Variants in MYRIP observed in about 807,000 individuals in gnomAD.
MYRIP encodes the protein myosin VIIA and Rab interacting protein.
A neutral mutation model predicts 98.0 loss-of-function variants in MYRIP; 49 were observed. That is an observed-to-expected ratio of 0.50 (90% CI 0.40 to 0.63). The LOEUF (loss-of-function observed/expected upper bound fraction) is 0.63. Among genes scored for constraint, MYRIP ranks in the 30% least tolerant of loss-of-function variants. The pLI, the probability that MYRIP is intolerant of heterozygous loss-of-function variation, is 0.00. For missense variants in MYRIP, 1,004 were observed against 1,058.2 expected (o/e 0.95, Z 0.71); for synonymous variants, 404 against 409.5 (o/e 0.99, Z 0.16).
At chr3:39,973,963 G>T (rs1432472298) in intron 2 of MYRIP, among the ~76,000 whole-genome samples, 2 of 151,770 alleles carry the variant, frequency 1.3e-5, no homozygotes, top group Non-Finnish European at 2.9e-5. Flanking sequence ...GATCTAAAAT[G>T]GACACCCTAA....
intron 2 of MYRIP, among the ~76,000 whole-genome samples, chr3:39,981,278 C>T (rs572116217): frequency 2.0e-4 from 30 of 152,240 alleles, no homozygotes; most frequent in Admixed American, 3.3e-4. Flanking sequence ...AAAACATTGC[C>T]AAATATAGTG....
chr3:40,029,150 T>C (rs377141956), intron 2 of MYRIP, among the ~76,000 whole-genome samples: 3 of 152,290 alleles, frequency 2.0e-5, no homozygotes, highest in African/African-American at 7.2e-5. Context: ...TTTGAGGCTG[T>C]TGTTATACTG....
chr3:40,154,670 C>A (rs976779975), intron 4 of MYRIP, among the ~76,000 whole-genome samples: 1 of 152,130 alleles, frequency 6.6e-6, no homozygotes, highest in African/African-American at 2.4e-5. Flanking sequence ...ATAAGCCCCA[C>A]ATGTATTAGC....
At chr3:39,960,022 G>A (rs545683463) in intron 2 of MYRIP, among the ~76,000 whole-genome samples, 1 of 152,176 alleles carries the variant, frequency 6.6e-6, no homozygotes, top group South Asian at 2.1e-4. Flanking sequence ...TCAGCTTCCT[G>A]AGCTCTCAGG....
chr3:40,181,268 C>A (rs1950877165), intron 8 of MYRIP, among the ~76,000 whole-genome samples: 1 of 152,130 alleles, frequency 6.6e-6, no homozygotes, highest in African/African-American at 2.4e-5. Context: ...CTCCAAAGCA[C>A]CCCATGGCCC....
chr3:40,081,141 C>T (rs1462699636), intron 3 of MYRIP, among the ~76,000 whole-genome samples: 1 of 152,060 alleles, frequency 6.6e-6, no homozygotes, highest in Non-Finnish European at 1.5e-5. Context: ...TGTATTTAGA[C>T]TTACCTGCCC....
intron 11 of MYRIP, among the ~76,000 whole-genome samples, chr3:40,212,338 T>G (rs1353145642): frequency 2.0e-5 from 3 of 149,066 alleles, no homozygotes; most frequent in African/African-American, 7.3e-5. Context: ...CACATATATA[T>G]ATAACTATAT....
intron 1 of MYRIP, among the ~76,000 whole-genome samples, chr3:39,843,367 C>T (rs546286871): frequency 3.9e-4 from 59 of 151,512 alleles, no homozygotes; most frequent in Non-Finnish European, 8.1e-4. Context: ...ATTGAGGCTT[C>T]GAAAAAAGAC....
chr3:40,166,710 C>T (rs1166032431), intron 5 of MYRIP, 136 bp from the exon 6 acceptor site: 6 of 622,768 alleles, frequency 9.6e-6, no homozygotes, highest in Admixed American at 5.3e-5. Flanking sequence ...GTGGGAAGGG[C>T]GAGGGCTTTG....
In MYRIP at chr3:39,809,681, C is replaced by T. The variant is rs1490594036; in HGVS notation, c.-266C>T. 2.0e-5 allele frequency: 3 copies of T among 152,054 alleles called. No homozygotes were observed. Among genetic ancestry groups the T allele is most frequent in the Non-Finnish European group, 4.4e-5 (3 of 67,978 alleles). The allele number at this position is 152,054 out of a possible 1,614,324, so 9.4% of individuals were successfully genotyped here. A position where few individuals can be genotyped will look rare whatever the true frequency, so the allele number is the denominator to read the frequency against. ...TGCTGCCGACGCCGCTGCGCTCCCG[C>T]CTCCTGTCGGTTCCCGGGTTCCCGC... is the stretch of plus-strand genomic sequence containing the variant. On this transcript the variant is annotated 5_prime_UTR_variant, in exon 1 of 17. Transcript: ENST00000302541.
chr3:40,068,740 T>C (rs1333591326), intron 3 of MYRIP, among the ~76,000 whole-genome samples: 1 of 152,222 alleles, frequency 6.6e-6, no homozygotes, highest in Non-Finnish European at 1.5e-5. Context: ...AAAAGGTACA[T>C]CATCCCTGGC....
intron 2 of MYRIP, among the ~76,000 whole-genome samples, chr3:40,042,912 G>A (rs913273776): frequency 1.2e-4 from 19 of 152,104 alleles, no homozygotes; most frequent in Admixed American, 6.6e-5. Flanking sequence ...CCTGCAGCTG[G>A]GCAAAGTCAT....
At chr3:40,240,585 G>C (rs575570987) in intron 12 of MYRIP, among the ~76,000 whole-genome samples, 2 of 152,148 alleles carry the variant, frequency 1.3e-5, no homozygotes, top group Non-Finnish European at 2.9e-5. Flanking sequence ...CTTTTCCGAT[G>C]GGCTTAAAAA....
At chr3:40,021,779 G>C (rs1446028037) in intron 2 of MYRIP, among the ~76,000 whole-genome samples, 1 of 152,240 alleles carries the variant, frequency 6.6e-6, no homozygotes, top group Non-Finnish European at 1.5e-5. Context: ...TTATTAGTAT[G>C]TGAAGGAGGA....
At chr3:40,106,236 C>A (rs1394792552) in intron 3 of MYRIP, among the ~76,000 whole-genome samples, 2 of 152,034 alleles carry the variant, frequency 1.3e-5, no homozygotes, top group South Asian at 2.1e-4. Context: ...GCCCCCGAGA[C>A]CAGTCTCACC....
rs149388957 is a variant in MYRIP at position 39,987,446 on chromosome 3, T to G, written c.111-56604T>G. On this transcript the variant is annotated intron_variant, in intron 2 of 16. Transcript: ENST00000302541. ...GGTTGGCTCTATGTCTTTGCTATAG[T>G]AAATAGTGCTGCAATAAACATGTTT... Among the ~76,000 whole-genome samples the G allele has an allele frequency of 7.9e-5, 12 of 152,354 alleles. 1 individual carries two copies. The highest frequency in any genetic ancestry group is 2.9e-4 in the African/African-American group (12 of 41,578).
At chr3:39,962,116 G>A (rs903214346) in intron 2 of MYRIP, among the ~76,000 whole-genome samples, 1 of 152,110 alleles carries the variant, frequency 6.6e-6, no homozygotes, top group Non-Finnish European at 1.5e-5. Flanking sequence ...TTTTTTAGCT[G>A]TATGACCTTG....
chr3:39,822,369 C>T (rs1262106150), intron 1 of MYRIP, among the ~76,000 whole-genome samples: 1 of 152,202 alleles, frequency 6.6e-6, no homozygotes, highest in African/African-American at 2.4e-5. Context: ...GTCTGTGCCC[C>T]ATGGGCTGCA....
At chr3:40,116,533 T>C (rs578122878) in intron 3 of MYRIP, among the ~76,000 whole-genome samples, 234 of 152,344 alleles carry the variant, frequency 1.5e-3, no homozygotes, top group African/African-American at 5.4e-3. Context: ...TTCAACACTT[T>C]ATTTTCTCTG....
Sources: gnomAD v4.1 joint callset for allele counts (sites outside exome capture counted in the v4.1 genomes callset) on GRCh38, gnomAD v4.1.1 for gene constraint, MANE v1.5 for transcripts, NCBI Gene and HGNC (gene_info 2026-07-23, HGNC 2026-07-21) for gene names.